SLC19A1: variants seen among roughly 807,000 people sequenced by gnomAD.
SLC19A1 encodes the protein solute carrier family 19 member 1, also known as reduced folate transporter.
A neutral mutation model predicts 35.3 loss-of-function variants in SLC19A1; 37 were observed. The observed-to-expected ratio is 1.05, with a 90% CI of 0.81 to 1.38. SLC19A1 has a LOEUF of 1.38. SLC19A1 is among the 40% of genes most tolerant of loss of function. The pLI, the probability that SLC19A1 is intolerant of heterozygous loss-of-function variation, is 0.00. For missense variants in SLC19A1, 831 were observed against 826.9 expected (o/e 1.00, Z -0.06); for synonymous variants, 460 against 398.5 (o/e 1.15, Z -1.84).
At chr21:45,511,079 CCA>C (rs752924412), downstream of SLC19A1, 3 of 1,034,224 alleles carry the variant, frequency 2.9e-6, no homozygotes, top group South Asian at 1.4e-5. Context: ...CCCCCACACA[CCA>C]CACACACATA....
At chr21:45,516,368 C>T (rs1319778996) in intron 5 of SLC19A1, among the ~76,000 whole-genome samples, 1 of 152,228 alleles carries the variant, frequency 6.6e-6, no homozygotes, top group Non-Finnish European at 1.5e-5. Flanking sequence ...CCACCATTTC[C>T]CAAGAACCCC....
chr21:45,512,242 G>A, downstream of SLC19A1: 1 of 1,612,578 alleles, frequency 6.2e-7, no homozygotes, highest in Non-Finnish European at 8.5e-7. Flanking sequence ...GGCTGACCGA[G>A]AGCTACTGTG....
intron 1 of SLC19A1, among the ~76,000 whole-genome samples, chr21:45,560,459 C>T (rs937536080): frequency 6.6e-6 from 1 of 151,778 alleles, no homozygotes; most frequent in Admixed American, 6.6e-5. Flanking sequence ...CACGGTGGCG[C>T]CCACAGGAGC....
chr21:45,555,183 CA>C (rs1569031855), intron 1 of SLC19A1, among the ~76,000 whole-genome samples: 31 of 32,502 alleles, frequency 9.5e-4, no homozygotes, highest in African/African-American at 4.6e-3. Flanking sequence ...GGGGGCGGTG[CA>C]GGGGGCGGCG....
At chr21:45,505,371 C>CGGCCCTCCG in intron 3 of SLC19A1, 2 of 1,593,374 alleles carry the variant, frequency 1.3e-6, no homozygotes, top group Non-Finnish European at 8.6e-7. Context: ...TCAGCGTTCC[C>CGGCCCTCCG]GGCCCTCCGG....
Position 45,532,071 on chromosome 21 carries a change from G to A in SLC19A1, c.267C>T (p.Tyr89=), listed in dbSNP as rs147573339. The A allele has an allele frequency of 1.4e-5, 23 of 1,612,532 alleles. No individual in the cohort carries two copies. Among genetic ancestry groups the A allele is most frequent in the East Asian group, 2.2e-5 (1 of 44,872 alleles). Residue 89 remains tyrosine, a synonymous_variant, in exon 3 of 6, where the codon TAC becomes TAT. Transcript: ENST00000311124. ...VLVPVFLLTD[Y]LRYTPVLLLQ... is the part of the protein sequence containing the mutation. ...GCAGCAGCACCGGCGTGTAGCGCAG[G>A]TAGTCGGTGAGCAGGAACACGGGCA... is the stretch of plus-strand genomic sequence containing the variant.
At chr21:45,520,453 A>G (rs2077403976) in intron 5 of SLC19A1, among the ~76,000 whole-genome samples, 1 of 152,250 alleles carries the variant, frequency 6.6e-6, no homozygotes, top group Admixed American at 6.5e-5. Context: ...AGGCCAAAAA[A>G]TGGAAAAGCC....
At chr21:45,538,816 C>T (rs1302851049) in intron 1 of SLC19A1, among the ~76,000 whole-genome samples, 2 of 152,290 alleles carry the variant, frequency 1.3e-5, no homozygotes, top group African/African-American at 2.4e-5. Context: ...CCAGATGGAG[C>T]ACCCCAGACC....
intron 3 of SLC19A1, chr21:45,507,185 G>A: frequency 4.4e-6 from 1 of 229,368 alleles, no homozygotes; most frequent in Non-Finnish European, 8.0e-6. Flanking sequence ...AGAGGCGGGT[G>A]CTGGGCAGGG....
chr21:45,505,910 G>T (rs759489506), intron 3 of SLC19A1: 2 of 1,612,978 alleles, frequency 1.2e-6, no homozygotes, highest in Admixed American at 1.7e-5. Context: ...GCTCATCTTC[G>T]TGGCCGAGCA....
upstream of SLC19A1, among the ~76,000 whole-genome samples, chr21:45,544,920 C>T (rs1292536560): frequency 6.6e-6 from 1 of 152,234 alleles, no homozygotes; most frequent in Non-Finnish European, 1.5e-5. Context: ...GACCAACCGG[C>T]CAGTCCTCTG....
upstream of SLC19A1, among the ~76,000 whole-genome samples, chr21:45,547,401 C>T (rs2078425402): frequency 6.6e-6 from 1 of 152,188 alleles, no homozygotes; most frequent in African/African-American, 2.4e-5. Context: ...GGATACTCGT[C>T]ATTATACCTG....
In SLC19A1 at chr21:45,515,496, T is replaced by C. The variant is rs1296485664; in HGVS notation, c.*162A>G. On this transcript the variant is annotated 3_prime_UTR_variant, in exon 6 of 6. Coordinates refer to ENST00000311124, the MANE Select transcript of SLC19A1 (RefSeq NM_194255.4). ...GCTGCCCTGAGTGTCGCCAGCACGC[T>C]GTGGCCACCGCCAGAGTGCGGCACA... is the stretch of plus-strand genomic sequence containing the variant. 57 of 1,506,630 alleles carry C rather than the reference T, an allele frequency of 3.8e-5. No individual in the cohort carries two copies. The highest frequency in any genetic ancestry group is 4.7e-5 in the Non-Finnish European group (54 of 1,140,962). The allele number at this position is 1,506,630 out of a possible 1,614,324, so 93.3% of individuals were successfully genotyped here.
intron 4 of SLC19A1, among the ~76,000 whole-genome samples, chr21:45,528,933 T>C (rs1423638616): frequency 6.6e-6 from 1 of 152,260 alleles, no homozygotes; most frequent in Admixed American, 6.5e-5. Context: ...TGGATTTTTT[T>C]GCGATGGGCA....
chr21:45,509,403 CAGCAACCCCTACCCGCGGCGGG>C, downstream of SLC19A1: 1 of 1,543,190 alleles, frequency 6.5e-7, no homozygotes, highest in Non-Finnish European at 8.7e-7. Context: ...AGCTGCACGA[CAGCAACCCCTACCCGCGGCGGG>C]AGCACCCCCA....
At chr21:45,550,678 A>G (rs1004827920) in intron 1 of SLC19A1, among the ~76,000 whole-genome samples, 4 of 152,096 alleles carry the variant, frequency 2.6e-5, no homozygotes, top group Admixed American at 2.6e-4. Flanking sequence ...TTGCATGCAG[A>G]TTTCGTCGTC....
intron 5 of SLC19A1, among the ~76,000 whole-genome samples, chr21:45,520,658 AG>A (rs1281396886): frequency 5.3e-5 from 8 of 152,218 alleles, no homozygotes; most frequent in African/African-American, 1.9e-4. Flanking sequence ...GCCTTTCAAA[AG>A]GTAATTACGG....
chr21:45,505,331 G>C (rs371003719), intron 3 of SLC19A1: 1 of 1,596,708 alleles, frequency 6.3e-7, no homozygotes, highest in Admixed American at 1.7e-5. Context: ...GTGGCTTCGT[G>C]TTCCCACCTT....
In SLC19A1 at chr21:45,516,462, C is replaced by G. The variant is rs559938516; in HGVS notation, c.1294-322G>C. ...CTGCTTGGTGGTGCTTGCTGCCCCC[C>G]CATGGTGCTGAGACAGCGGAAGGGT... On this transcript the variant is annotated intron_variant, in intron 5 of 5. Transcript: ENST00000311124. Among the ~76,000 whole-genome samples the G allele has an allele frequency of 4.7e-3, 716 of 152,320 alleles. 1 individual carries two copies. The highest frequency in any genetic ancestry group is 8.0e-3 in the Non-Finnish European group (542 of 68,018).
Sources: gnomAD v4.1 joint callset for allele counts (sites outside exome capture counted in the v4.1 genomes callset) on GRCh38, gnomAD v4.1.1 for gene constraint, MANE v1.5 for transcripts, NCBI Gene and HGNC (gene_info 2026-07-23, HGNC 2026-07-21) for gene names.